GRIA4: variants seen among roughly 807,000 people sequenced by gnomAD.
GRIA4 encodes the protein glutamate ionotropic receptor AMPA type subunit 4.
Under a neutral mutation model 104.0 loss-of-function variants are expected in GRIA4, and 34 were observed. The ratio of observed to expected loss-of-function variants is 0.33; its 90% CI spans 0.25 to 0.44. GRIA4 has a LOEUF of 0.44. Among genes scored for constraint, GRIA4 ranks in the 20% least tolerant of loss-of-function variants. The probability of loss-of-function intolerance (pLI) is 1.00; values close to 1 mark genes in which losing one functional copy is unlikely to be tolerated. For synonymous variants in GRIA4, 386 were observed against 381.9 expected, an observed-to-expected ratio of 1.01 and a Z score of -0.13; for missense variants, 750 against 1,096.5, an observed-to-expected ratio of 0.68 and a Z score of 4.46.
intron 4 of GRIA4, among the ~76,000 whole-genome samples, chr11:105,810,930 T>C (rs138549876): frequency 1.3e-5 from 2 of 152,336 alleles, no homozygotes; most frequent in East Asian, 3.9e-4. Flanking sequence ...AAAAAAACTA[T>C]TATTGATTAC....
chr11:105,616,255 T>C (rs546890789), intron 3 of GRIA4, among the ~76,000 whole-genome samples: 101 of 151,846 alleles, frequency 6.7e-4, no homozygotes, highest in Middle Eastern at 3.4e-3. Flanking sequence ...TACAAGATAA[T>C]GGATTGAAAA....
chr11:105,865,210 A>C (rs530030946), intron 5 of GRIA4, among the ~76,000 whole-genome samples: 2 of 152,310 alleles, frequency 1.3e-5, no homozygotes, highest in African/African-American at 4.8e-5. Context: ...CCATAAGAAA[A>C]AATGGAAGAA....
chr11:105,615,571 AT>A (rs1158238202), intron 3 of GRIA4, among the ~76,000 whole-genome samples: 1 of 151,952 alleles, frequency 6.6e-6, no homozygotes, highest in East Asian at 1.9e-4. Context: ...ACAAGTATAC[AT>A]TTTTTTGTGA....
intron 4 of GRIA4, among the ~76,000 whole-genome samples, chr11:105,824,036 G>C (rs1943674811): frequency 6.6e-6 from 1 of 152,106 alleles, no homozygotes; most frequent in Non-Finnish European, 1.5e-5. Flanking sequence ...CCATCTGCTA[G>C]CCAAGGATAG....
chr11:105,728,042 T>C (rs772202447), intron 3 of GRIA4, among the ~76,000 whole-genome samples: 3 of 152,170 alleles, frequency 2.0e-5, no homozygotes, highest in Non-Finnish European at 4.4e-5. Flanking sequence ...ACCTTTAATG[T>C]AAATGGGCTA....
intron 4 of GRIA4, among the ~76,000 whole-genome samples, chr11:105,771,977 GTAAA>G (rs2135744659): frequency 6.6e-6 from 1 of 152,158 alleles, no homozygotes; most frequent in South Asian, 2.1e-4. Context: ...GGAGAGAAAT[GTAAA>G]TAAACTTAAA....
chr11:105,634,600 C>A (rs1233884953), intron 3 of GRIA4, among the ~76,000 whole-genome samples: 1 of 152,078 alleles, frequency 6.6e-6, no homozygotes, highest in Non-Finnish European at 1.5e-5. Context: ...ATATACCAAG[C>A]TATTCCTATG....
chr11:105,981,568 C>CACACAT lies in GRIA4; in HGVS notation c.*1834_*1835insTACACA, dbSNP rs1287687351. On this transcript the variant is annotated 3_prime_UTR_variant, in exon 17 of 17. Transcript: ENST00000282499. ...ACAGTATAAATCACACACACACACA[C>CACACAT]ACACACACACACACACACACACAAG... 1 of 153,242 alleles carries CACACAT rather than the reference C, an allele frequency of 6.5e-6. No homozygotes were observed. Among genetic ancestry groups the CACACAT allele is most frequent in the Admixed American group, 6.6e-5 (1 of 15,214 alleles). 9.5% of individuals were successfully genotyped at this position (153,242 alleles called of 1,614,324 possible).
chr11:105,948,142 A>G (rs1948364204), intron 14 of GRIA4, among the ~76,000 whole-genome samples: 1 of 152,210 alleles, frequency 6.6e-6, no homozygotes, highest in African/African-American at 2.4e-5. Flanking sequence ...TATAAGCAGC[A>G]CTGTTTTTAC....
chr11:105,926,315 T>C (rs981696198), intron 12 of GRIA4, among the ~76,000 whole-genome samples: 4 of 152,098 alleles, frequency 2.6e-5, no homozygotes, highest in African/African-American at 9.7e-5. Flanking sequence ...CTAATTTATG[T>C]ACCACAAACA....
At chr11:105,649,763 T>C (rs942740675) in intron 3 of GRIA4, among the ~76,000 whole-genome samples, 1 of 152,110 alleles carries the variant, frequency 6.6e-6, no homozygotes, top group Non-Finnish European at 1.5e-5. Flanking sequence ...AATTTTTAAA[T>C]GTTTATAACC....
At chr11:105,978,923 A>G (rs1392233636) in intron 16 of GRIA4, among the ~76,000 whole-genome samples, 2 of 152,198 alleles carry the variant, frequency 1.3e-5, no homozygotes, top group Admixed American at 6.5e-5. Flanking sequence ...AGTCATGACC[A>G]TTCAGTAGGC....
chr11:105,818,193 T>G (rs1262055770), intron 4 of GRIA4, among the ~76,000 whole-genome samples: 1 of 151,916 alleles, frequency 6.6e-6, no homozygotes, highest in Non-Finnish European at 1.5e-5. Flanking sequence ...ATGCATAAAT[T>G]GAGTCCCAAG....
chr11:105,875,944 G>C (rs988879662), intron 5 of GRIA4, among the ~76,000 whole-genome samples: 1 of 151,652 alleles, frequency 6.6e-6, no homozygotes, highest in Non-Finnish European at 1.5e-5. Context: ...GTTATTTCTT[G>C]TCTTCTGCTA....
In GRIA4 at chr11:105,933,735, C is replaced by A; in HGVS notation, c.2060C>A (p.Ala687Glu). ...AATTTCCTCCAGAGATCAAAAATAG[C>A]AGTGTATGAAAAGATGTGGACCTAC... is the stretch of plus-strand genomic sequence containing the variant. ...TKEFFRRSKI[A>E]VYEKMWTYMR... The change falls in exon 14 of 17, where the codon GCA becomes GAA. Residue 687 changes from alanine (A) to glutamate (E), a missense_variant. By Grantham distance (107) the Ala-to-Glu change is moderately radical. Around this residue, in one of 3 missense-constraint regions of GRIA4, gnomAD observed 272 missense variants for 524.5 expected, o/e 0.52. Coordinates refer to ENST00000282499, the MANE Select transcript of GRIA4 (RefSeq NM_000829.4). 6.3e-7 allele frequency: 1 copy of A among 1,588,354 alleles called. No individual in the cohort carries two copies. Among genetic ancestry groups the A allele is most frequent in the Non-Finnish European group, 8.6e-7 (1 of 1,163,594 alleles).
At chr11:105,943,200 G>T (rs1042425962) in intron 14 of GRIA4, among the ~76,000 whole-genome samples, 1 of 152,018 alleles carries the variant, frequency 6.6e-6, no homozygotes, top group Non-Finnish European at 1.5e-5. Flanking sequence ...GCATATCTTC[G>T]TTGTGAAATG....
chr11:105,834,712 CTTTT>C (rs5794429), intron 4 of GRIA4, among the ~76,000 whole-genome samples: 6 of 131,622 alleles, frequency 4.6e-5, no homozygotes, highest in Admixed American at 2.3e-4. Context: ...TACAAAAAGA[CTTTT>C]TTTTTTTTTT....
At chr11:105,696,221 A>G (rs74487866) in intron 3 of GRIA4, among the ~76,000 whole-genome samples, 4,081 of 152,252 alleles carry the variant, frequency 0.027, 102 homozygotes, top group African/African-American at 0.065. Flanking sequence ...GAGCCCAAAA[A>G]GCATGTTACG....
At chr11:105,698,644 C>T (rs1191115257) in intron 3 of GRIA4, among the ~76,000 whole-genome samples, 1 of 152,156 alleles carries the variant, frequency 6.6e-6, no homozygotes, top group Non-Finnish European at 1.5e-5. Flanking sequence ...TCCATCAGAA[C>T]ACCAGAGAGA....
Sources: allele counts gnomAD v4.1 joint callset (sites outside exome capture counted in the v4.1 genomes callset), GRCh38; gene constraint gnomAD v4.1.1; regional missense constraint gnomAD v4.1.1; transcripts MANE v1.5; gene names NCBI Gene and HGNC (gene_info 2026-07-23, HGNC 2026-07-21).